TMEM109: variants seen among roughly 807,000 people sequenced by gnomAD.
TMEM109 encodes transmembrane protein 109.
A neutral mutation model predicts 26.4 loss-of-function variants in TMEM109; 19 were observed. The ratio of observed to expected loss-of-function variants is 0.72; its 90% confidence interval spans 0.50 to 1.06. The LOEUF (loss-of-function observed/expected upper bound fraction) is 1.06, where lower values mean the gene tolerates loss of function less well. TMEM109 is among the 50% of genes least tolerant of loss of function. The pLI, the probability that TMEM109 is intolerant of heterozygous loss-of-function variation, is 0.00. For synonymous variants in TMEM109, 129 were observed against 142.0 expected, an observed-to-expected ratio of 0.91 and a Z score of 0.65; for missense variants, 262 against 303.4, an observed-to-expected ratio of 0.86 and a Z score of 1.01.
intron 2 of TMEM109, 65 bp from the exon 3 acceptor site, chr11:60,920,821 A>G: frequency 7.5e-7 from 1 of 1,339,046 alleles, no homozygotes; most frequent in South Asian, 1.2e-5. Context: ...GACAGTGGTG[A>G]TCAGGCGTGA....
intron 1 of TMEM109, 154 bp from the exon 2 acceptor site, chr11:60,919,532 C>T (rs1856209141): frequency 6.2e-6 from 4 of 642,502 alleles, no homozygotes; most frequent in Non-Finnish European, 1.1e-5. Flanking sequence ...TTGGAAGTCC[C>T]AGTCCTTCCT....
intron 1 of TMEM109, among the ~76,000 whole-genome samples, chr11:60,916,381 TTGAG>T (rs371498335): frequency 3.9e-5 from 6 of 152,272 alleles, no homozygotes; most frequent in African/African-American, 1.4e-4. Flanking sequence ...GAGTTGTTAA[TTGAG>T]TGCCTATTAT....
chr11:60,918,480 C>T (rs763912470), intron 1 of TMEM109: 1 of 152,212 alleles, frequency 6.6e-6, no homozygotes, highest in Non-Finnish European at 1.5e-5. Context: ...CCTGGGATAA[C>T]TAATCCACTC....
At chr11:60,918,135 C>T (rs1168589764) in intron 1 of TMEM109, among the ~76,000 whole-genome samples, 1 of 152,166 alleles carries the variant, frequency 6.6e-6, no homozygotes, top group African/African-American at 2.4e-5. Context: ...AACACCTACC[C>T]GATGGGCTGT....
At chr11:60,914,950 T>C (rs1436429761) in intron 1 of TMEM109, among the ~76,000 whole-genome samples, 2 of 152,254 alleles carry the variant, frequency 1.3e-5, no homozygotes, top group Non-Finnish European at 2.9e-5. Flanking sequence ...GTGTGGCTGC[T>C]GTATATTTGG....
At position 60,922,615 on chromosome 11, in the gene TMEM109, C is replaced by T. The variant is rs1190419607; in HGVS notation, c.*450C>T. On this transcript the variant is annotated 3_prime_UTR_variant, in exon 4 of 4. Transcript: ENST00000227525. ...GCTCCCTTCTTGTTTTCCTCATCCT[C>T]CTACCCTGTACTCCCACCAAACCAT... 1.1e-5 allele frequency: 4 copies of T among 358,742 alleles called. No homozygotes were observed. The East Asian group carries it at 2.2e-4, about 20-fold the overall frequency. 22.2% of individuals were successfully genotyped at this position (358,742 alleles called of 1,614,324 possible).
chr11:60,917,578 A>G (rs1299825000), intron 1 of TMEM109, among the ~76,000 whole-genome samples: 1 of 152,230 alleles, frequency 6.6e-6, no homozygotes, highest in Non-Finnish European at 1.5e-5. Flanking sequence ...CACAAAGCAC[A>G]AAGTTGTTAG....
Position 60,920,916 on chromosome 11 carries a change from T to G in TMEM109, c.268T>G (p.Ser90Ala). ...GTCCCAAGTGTTGTGGGCCATCTCA[T>G]CAGCCATTTCTGTGGCCTTCTTTGC... ...SSSQVLWAIS[S>A]AISVAFFALS... The change falls in exon 3 of 4, where the codon TCA (serine) becomes GCA (alanine). Residue 90 changes from serine (S) to alanine (A), a missense_variant. By Grantham distance (99) the Ser-to-Ala change is moderately conservative (BLOSUM62 1). Coordinates refer to ENST00000227525, the MANE Select transcript of TMEM109 (RefSeq NM_024092.3). 6.2e-7 allele frequency: 1 copy of G among 1,614,180 alleles called. No individual in the cohort carries two copies. The highest frequency in any genetic ancestry group is 1.1e-5 in the South Asian group (1 of 91,088).
At chr11:60,916,154 A>C (rs562003524) in intron 1 of TMEM109, among the ~76,000 whole-genome samples, 11 of 152,306 alleles carry the variant, frequency 7.2e-5, no homozygotes, top group African/African-American at 2.6e-4. Flanking sequence ...ACTGGAGTCA[A>C]GTCCCAGCTC....
chr11:60,916,471 T>C (rs1054161015), intron 1 of TMEM109, among the ~76,000 whole-genome samples: 2 of 152,184 alleles, frequency 1.3e-5, no homozygotes, highest in South Asian at 4.1e-4. Context: ...TGAGACTGTT[T>C]CCATGCCTTT....
rs949516207 is a variant in TMEM109 at position 60,923,187 on chromosome 11, C to A, written c.*1022C>A. ...GTCTGCAGAGAGCAGGGTGAGCTGCCAGCTGCCCCTCTCCACCAGGGTACC... is the reference window on the plus strand; with the variant it reads ...GTCTGCAGAGAGCAGGGTGAGCTGCAAGCTGCCCCTCTCCACCAGGGTACC... On this transcript the variant is annotated 3_prime_UTR_variant, in exon 4 of 4. Transcript: ENST00000227525. 6.6e-6 allele frequency: 1 copy of A among 152,512 alleles called. No individual in the cohort carries two copies. Among genetic ancestry groups the A allele is most frequent in the African/African-American group, 2.4e-5 (1 of 41,424 alleles). 9.4% of individuals were successfully genotyped at this position (152,512 alleles called of 1,614,324 possible). A position where few individuals can be genotyped will look rare whatever the true frequency, so the allele number is the denominator to read the frequency against.
chr11:60,914,440 CG>C (rs35328973), intron 1 of TMEM109, among the ~76,000 whole-genome samples, 172 bp downstream of exon 1: 1 of 152,162 alleles, frequency 6.6e-6, no homozygotes, highest in East Asian at 1.9e-4. Context: ...GCTATGCAAC[CG>C]GGGGCGTCGT....
At chr11:60,915,751 G>C (rs117766262) in intron 1 of TMEM109, among the ~76,000 whole-genome samples, 11 of 152,240 alleles carry the variant, frequency 7.2e-5, no homozygotes, top group Admixed American at 5.2e-4. Context: ...TGATTGGGAG[G>C]GGGGGGCGCG....
At chr11:60,915,859 TGGG>T (rs1451782663) in intron 1 of TMEM109, among the ~76,000 whole-genome samples, 1 of 152,192 alleles carries the variant, frequency 6.6e-6, no homozygotes, top group East Asian at 1.9e-4. Flanking sequence ...CCAGCCAGGC[TGGG>T]CTCTCCAGAC....
Position 60,921,926 on chromosome 11 carries a change from C to T in TMEM109, c.493C>T (p.Leu165Phe), listed in dbSNP as rs778168545. 16 of 1,614,076 alleles carry T rather than the reference C, an allele frequency of 9.9e-6. No homozygotes were observed. Among genetic ancestry groups the T allele is most frequent in the Non-Finnish European group, 8.5e-6 (10 of 1,180,048 alleles). Residue 165 changes from leucine to phenylalanine, a missense_variant, in exon 4 of 4, where the codon CTT becomes TTT. By Grantham distance (22) the Leu-to-Phe change is conservative. Transcript: ENST00000227525. ...LLGRILWGLKLVIFLAGFVAL... is the reference protein window; with the variant it reads ...LLGRILWGLKFVIFLAGFVAL... Reference sequence around the variant, plus strand: ...GGGGCGGATCCTGTGGGGCCTGAAGCTTGTCATCTTCCTGGCCGGCTTCGT... The same window carrying T: ...GGGGCGGATCCTGTGGGGCCTGAAGTTTGTCATCTTCCTGGCCGGCTTCGT...
rs1400115007 is a variant in TMEM109 at position 60,922,887 on chromosome 11, A to G, written c.*722A>G. ...GGCTGCTTTGTGTCAAGAAAAGAGCAGTCACTCTCAGAATCTTGATTCCCC... is the reference window on the plus strand; with the variant it reads ...GGCTGCTTTGTGTCAAGAAAAGAGCGGTCACTCTCAGAATCTTGATTCCCC... On this transcript the variant is annotated 3_prime_UTR_variant, in exon 4 of 4. Coordinates refer to ENST00000227525, the MANE Select transcript of TMEM109 (RefSeq NM_024092.3). The G allele has an allele frequency of 1.3e-5, 2 of 153,974 alleles. No homozygotes were observed. Among genetic ancestry groups the G allele is most frequent in the African/African-American group, 2.4e-5 (1 of 41,450 alleles). 9.5% of individuals were successfully genotyped at this position (153,974 alleles called of 1,614,324 possible).
At chr11:60,918,002 A>G (rs983241045) in intron 1 of TMEM109, among the ~76,000 whole-genome samples, 2 of 152,150 alleles carry the variant, frequency 1.3e-5, no homozygotes, top group African/African-American at 2.4e-5. Context: ...TTAGTTGGAG[A>G]CAATACAGCA....
At chr11:60,918,211 A>C (rs1347771368) in intron 1 of TMEM109, among the ~76,000 whole-genome samples, 4 of 152,200 alleles carry the variant, frequency 2.6e-5, no homozygotes, top group African/African-American at 9.7e-5. Flanking sequence ...TTTTATTAAT[A>C]GTATTTCTTT....
At position 60,914,224 on chromosome 11, in the gene TMEM109, G is replaced by C. The variant is rs1239328217; in HGVS notation, c.-53G>C. On this transcript the variant is annotated 5_prime_UTR_variant, in exon 1 of 4. Coordinates refer to ENST00000227525, the MANE Select transcript of TMEM109 (RefSeq NM_024092.3). ...AGTTGAGGCGCGGGTTTGGTGGCGC[G>C]TTTCAGCGAAGTCGCACGTGAAGGA... is the stretch of plus-strand genomic sequence containing the variant. 1 of 152,218 alleles carries C rather than the reference G, an allele frequency of 6.6e-6. No homozygotes were observed. The highest frequency in any genetic ancestry group is 6.5e-5 in the Admixed American group (1 of 15,284). 9.4% of individuals were successfully genotyped at this position (152,218 alleles called of 1,614,324 possible).
Sources: allele counts gnomAD v4.1 joint callset (sites outside exome capture counted in the v4.1 genomes callset), GRCh38; gene constraint gnomAD v4.1.1; transcripts MANE v1.5; gene names NCBI Gene and HGNC (gene_info 2026-07-23, HGNC 2026-07-21).